DGLUCY: variants seen among roughly 807,000 people sequenced by gnomAD.
DGLUCY encodes the protein D-glutamate cyclase, mitochondrial.
DGLUCY carries 58 observed loss-of-function variants against 58.5 expected under a neutral mutation model. That is an observed-to-expected ratio of 0.99 (90% CI 0.80 to 1.23). DGLUCY has a LOEUF of 1.23. DGLUCY is among the 50% of genes most tolerant of loss of function. DGLUCY has a pLI of 0.00. For missense variants in DGLUCY, 779 were observed against 784.7 expected, an observed-to-expected ratio of 0.99 and a Z score of 0.09; for synonymous variants, 325 against 314.1, an observed-to-expected ratio of 1.03 and a Z score of -0.37.
At chr14:91,180,209 C>T (rs889407392) in intron 7 of DGLUCY, among the ~76,000 whole-genome samples, 9 of 151,530 alleles carry the variant, frequency 5.9e-5, no homozygotes, top group Admixed American at 4.6e-4. Context: ...CTTTTATGTA[C>T]GTTTTCCAGT....
chr14:91,163,426 C>T (rs781143811), intron 3 of DGLUCY, among the ~76,000 whole-genome samples: 2 of 152,190 alleles, frequency 1.3e-5, no homozygotes, highest in Non-Finnish European at 2.9e-5. Context: ...CATCAGGTTC[C>T]TTGGGCTTTC....
At chr14:91,210,629 G>A (rs2140687856) in intron 12 of DGLUCY, among the ~76,000 whole-genome samples, 1 of 152,240 alleles carries the variant, frequency 6.6e-6, no homozygotes, top group South Asian at 2.1e-4. Flanking sequence ...ACATGTTCAT[G>A]TCAATAGATA....
chr14:91,214,019 ATTTTTTTTGTTTGTTTTTCTT>A (rs1886133387), intron 12 of DGLUCY, among the ~76,000 whole-genome samples: 2 of 110,018 alleles, frequency 1.8e-5, no homozygotes, highest in South Asian at 7.1e-4. Flanking sequence ...TTTGTTTGTT[ATTTTTTTTGTTTGTTTTTCTT>A]TTTTTTTTTT....
intron 7 of DGLUCY, among the ~76,000 whole-genome samples, chr14:91,177,520 A>G (rs1411558418): frequency 6.6e-6 from 1 of 152,226 alleles, no homozygotes; most frequent in African/African-American, 2.4e-5. Flanking sequence ...GGCCTAGGTG[A>G]TATTACAATG....
chr14:91,188,253 C>T (rs1025109355), intron 8 of DGLUCY, among the ~76,000 whole-genome samples: 1 of 152,130 alleles, frequency 6.6e-6, no homozygotes, highest in African/African-American at 2.4e-5. Context: ...GAAAAGGGAA[C>T]GAGCTTGGAG....
chr14:91,141,553 ATTTTT>A (rs71120118), intron 1 of DGLUCY, among the ~76,000 whole-genome samples: 1 of 138,102 alleles, frequency 7.2e-6, no homozygotes. Context: ...AGAGAGGTTA[ATTTTT>A]TTTTTTTTTT....
chr14:91,208,360 CAAA>C (rs1885104670), intron 12 of DGLUCY, among the ~76,000 whole-genome samples: 1 of 152,078 alleles, frequency 6.6e-6, no homozygotes, highest in Non-Finnish European at 1.5e-5. Context: ...TCAGTTTGCT[CAAA>C]ATAATAATAA....
intron 12 of DGLUCY, among the ~76,000 whole-genome samples, chr14:91,215,101 A>G (rs749401327): frequency 7.9e-5 from 12 of 152,220 alleles, no homozygotes; most frequent in East Asian, 7.7e-4. Flanking sequence ...GTGAGCCGAG[A>G]TCGCACCACT....
At chr14:91,076,515 C>T (rs2044025093) in intron 1 of DGLUCY, among the ~76,000 whole-genome samples, 1 of 151,946 alleles carries the variant, frequency 6.6e-6, no homozygotes, top group East Asian at 1.9e-4. Flanking sequence ...GATGTAGAAG[C>T]CATAGATAGG....
chr14:91,197,102 G>T (rs565141274), intron 10 of DGLUCY, among the ~76,000 whole-genome samples: 1 of 152,244 alleles, frequency 6.6e-6, no homozygotes, highest in Non-Finnish European at 1.5e-5. Context: ...AAGTAGCTGG[G>T]ATTACAGGCA....
intron 1 of DGLUCY, among the ~76,000 whole-genome samples, chr14:91,067,200 A>C (rs1230549368): frequency 2.0e-5 from 3 of 152,050 alleles, no homozygotes; most frequent in African/African-American, 7.2e-5. Flanking sequence ...CACCAAACCC[A>C]GGCTTGCTTC....
chr14:91,072,615 T>A (rs1327757997), intron 1 of DGLUCY, among the ~76,000 whole-genome samples: 1 of 149,810 alleles, frequency 6.7e-6, no homozygotes, highest in Non-Finnish European at 1.5e-5. Context: ...ATATACCAAA[T>A]ATTGATGGCT....
At chr14:91,161,913 C>G in intron 3 of DGLUCY, among the ~76,000 whole-genome samples, 1 of 151,534 alleles carries the variant, frequency 6.6e-6, no homozygotes, top group East Asian at 1.9e-4. Flanking sequence ...TAGTCTACAG[C>G]AACCTGTTAT....
chr14:91,175,318 TG>T (rs1315353016), intron 6 of DGLUCY, among the ~76,000 whole-genome samples: 1 of 152,118 alleles, frequency 6.6e-6, no homozygotes, highest in Non-Finnish European at 1.5e-5. Flanking sequence ...AGTTTGAGAC[TG>T]GGCCTTGGTT....
At chr14:91,113,015 A>G (rs1049083859), upstream of DGLUCY, among the ~76,000 whole-genome samples, 12 of 150,888 alleles carry the variant, frequency 8.0e-5, no homozygotes, top group Admixed American at 2.0e-4. Context: ...AAAAAAAAAA[A>G]AAAAGGCCAG....
intron 1 of DGLUCY, among the ~76,000 whole-genome samples, chr14:91,061,183 C>G (rs909382805): frequency 2.0e-5 from 3 of 152,150 alleles, no homozygotes; most frequent in African/African-American, 7.2e-5. Flanking sequence ...GCGATCCATG[C>G]GTGTGTGACA....
intron 12 of DGLUCY, among the ~76,000 whole-genome samples, chr14:91,212,875 C>T (rs1885900161): frequency 6.6e-6 from 1 of 152,210 alleles, no homozygotes; most frequent in East Asian, 1.9e-4. Flanking sequence ...GTGGCAGGTG[C>T]CTATAGTCCC....
At chr14:91,196,315 G>A (rs892538681) in intron 9 of DGLUCY, 60 bp from the exon 10 acceptor site, 16 of 1,411,550 alleles carry the variant, frequency 1.1e-5, no homozygotes, top group Admixed American at 8.9e-5. Context: ...AAAAGCCAAC[G>A]TGAATTTCCA....
intron 9 of DGLUCY, among the ~76,000 whole-genome samples, chr14:91,191,060 T>G (rs531602293): frequency 6.6e-6 from 1 of 152,248 alleles, no homozygotes; most frequent in South Asian, 2.1e-4. Flanking sequence ...GCTAGGGCCC[T>G]GCAGGGCCTC....
Sources: gnomAD v4.1 joint callset for allele counts (sites outside exome capture counted in the v4.1 genomes callset) on GRCh38, gnomAD v4.1.1 for gene constraint, MANE v1.5 for transcripts, NCBI Gene and HGNC (gene_info 2026-07-23, HGNC 2026-07-21) for gene names.